The following COL27A1 variants were observed in gnomAD, a reference collection of about 807,000 sequenced individuals.
COL27A1 encodes collagen type XXVII alpha 1 chain.
COL27A1 carries 106 observed loss-of-function variants against 251.3 expected under a neutral mutation model. That is an observed-to-expected ratio of 0.42 (90% CI 0.36 to 0.50). The LOEUF (loss-of-function observed/expected upper bound fraction) is 0.50. Among genes scored for constraint, COL27A1 ranks in the 20% least tolerant of loss-of-function variants. The pLI, the probability that COL27A1 is intolerant of heterozygous loss-of-function variation, is 0.00. For missense variants in COL27A1, 2,325 were observed against 2,522.8 expected (o/e 0.92, Z 1.68); for synonymous variants, 1,000 against 986.3 (o/e 1.01, Z -0.26).
At chr9:114,243,924 CAT>C (rs371027478) in intron 23 of COL27A1, among the ~76,000 whole-genome samples, 24,910 of 137,356 alleles carry the variant, frequency 0.18, 2,805 homozygotes, top group East Asian at 0.3. Context: ...TTTTTTCTTT[CAT>C]TTTTTTTTTT....
At chr9:114,245,992 C>T (rs1833104048) in intron 24 of COL27A1, 82 bp downstream of exon 24, 2 of 1,179,468 alleles carry the variant, frequency 1.7e-6, no homozygotes, top group Non-Finnish European at 2.5e-6. Context: ...CAGCACCCTC[C>T]ATGCACCACC....
chr9:114,160,625 C>T (rs377326326), intron 1 of COL27A1, among the ~76,000 whole-genome samples: 1 of 151,042 alleles, frequency 6.6e-6, no homozygotes, highest in South Asian at 2.1e-4. Flanking sequence ...ATAGCTTGAG[C>T]CCTGGAGTTC....
Position 114,169,471 on chromosome 9 carries a change from T to A in COL27A1, c.1908+8T>A. On this transcript the variant is annotated splice_region_variant and intron_variant, in intron 3 of 60. Transcript: ENST00000356083. ...GGAGACTGTGGCTTGCCGGTAAGAC[T>A]GAGTGGGGTCTGCATGCTGCTTGGA... The A allele has an allele frequency of 6.6e-7, 1 of 1,518,694 alleles. No individual in the cohort carries two copies. The highest frequency in any genetic ancestry group is 8.8e-7 in the Non-Finnish European group (1 of 1,136,860). 94.1% of individuals were successfully genotyped at this position (1,518,694 alleles called of 1,614,324 possible).
chr9:114,173,253 A>G (rs188422062), intron 3 of COL27A1, among the ~76,000 whole-genome samples: 1 of 152,378 alleles, frequency 6.6e-6, no homozygotes, highest in Admixed American at 6.5e-5. Flanking sequence ...CGATCAGGCC[A>G]CTGGCATTTG....
At position 114,218,951 on chromosome 9, in the gene COL27A1, G is replaced by T. The variant is rs1047353014; in HGVS notation, c.2368-840G>T. ...ACTTGGTCAGGAAAACATGTGCTTT[G>T]TTTTTTTTTTTTTTTAATTACATTT... On this transcript the variant is annotated intron_variant, in intron 12 of 60. Coordinates refer to ENST00000356083, the MANE Select transcript of COL27A1 (RefSeq NM_032888.4). 4.7e-5 allele frequency among the ~76,000 whole-genome samples: 7 copies of T among 147,864 alleles called. No homozygotes were observed. The East Asian group carries it at 6.2e-4, about 13-fold the overall frequency.
intron 19 of COL27A1, 96 bp from the exon 20 acceptor site, chr9:114,240,124 T>C (rs1161806799): frequency 7.3e-6 from 8 of 1,090,918 alleles, no homozygotes; most frequent in Non-Finnish European, 9.9e-6. Flanking sequence ...CCCAGCAGGA[T>C]GAGATGGAAA....
At chr9:114,232,367 C>T (rs1010199119) in intron 16 of COL27A1, among the ~76,000 whole-genome samples, 1 of 152,200 alleles carries the variant, frequency 6.6e-6, no homozygotes, top group South Asian at 2.1e-4. Flanking sequence ...TCTGTACAGC[C>T]CTGCTGCTGA....
intron 12 of COL27A1, among the ~76,000 whole-genome samples, chr9:114,212,949 C>T (rs373495602): frequency 2.0e-5 from 3 of 152,216 alleles, no homozygotes; most frequent in Non-Finnish European, 2.9e-5. Flanking sequence ...TGCCCCAACA[C>T]TCAGGCCAGC....
At chr9:114,310,147 A>G (rs1829345468) in intron 60 of COL27A1, among the ~76,000 whole-genome samples, 1 of 152,174 alleles carries the variant, frequency 6.6e-6, no homozygotes, top group Non-Finnish European at 1.5e-5. Context: ...GGTGAGAGGT[A>G]AAAGACTACA....
intron 21 of COL27A1, among the ~76,000 whole-genome samples, chr9:114,241,209 T>C (rs1832730418): frequency 6.6e-6 from 1 of 152,242 alleles, no homozygotes; most frequent in Non-Finnish European, 1.5e-5. Flanking sequence ...AGGCCATTCT[T>C]AGCCTTCCCA....
chr9:114,162,567 G>T (rs765576818), intron 1 of COL27A1, 148 bp from the exon 2 acceptor site: 1 of 653,578 alleles, frequency 1.5e-6, no homozygotes, highest in Non-Finnish European at 2.7e-6. Flanking sequence ...CTCTGATGGG[G>T]TCCTAGAGCC....
At chr9:114,244,895 A>G (rs762165878) in intron 23 of COL27A1, among the ~76,000 whole-genome samples, 1 of 152,174 alleles carries the variant, frequency 6.6e-6, no homozygotes, top group Non-Finnish European at 1.5e-5. Context: ...CATGGGACAA[A>G]ACAGACAGAC....
At chr9:114,237,974 C>G (rs1832510912) in intron 19 of COL27A1, among the ~76,000 whole-genome samples, 1 of 152,204 alleles carries the variant, frequency 6.6e-6, no homozygotes, top group African/African-American at 2.4e-5. Context: ...GCCACCGCAG[C>G]TTTGTGATTC....
At chr9:114,231,027 G>A (rs1831906951) in intron 14 of COL27A1, 52 bp from the exon 15 acceptor site, 3 of 1,547,178 alleles carry the variant, frequency 1.9e-6, no homozygotes, top group Non-Finnish European at 2.7e-6. Context: ...ACCCAGGCCA[G>A]CCTCCTGTGG....
chr9:114,206,148 A>G, intron 9 of COL27A1, 104 bp from the exon 10 acceptor site: 1 of 1,140,386 alleles, frequency 8.8e-7, no homozygotes, highest in African/African-American at 1.5e-5. Flanking sequence ...CCCCCATTCT[A>G]CAAAGAGAGC....
At chr9:114,196,715 T>G (rs1404638448) in intron 7 of COL27A1, among the ~76,000 whole-genome samples, 4 of 152,102 alleles carry the variant, frequency 2.6e-5, no homozygotes, top group African/African-American at 4.8e-5. Flanking sequence ...GCCCATCCCA[T>G]CCCCATTTCA....
intron 35 of COL27A1, among the ~76,000 whole-genome samples, chr9:114,270,405 G>A (rs1835062231): frequency 6.6e-6 from 1 of 152,224 alleles, no homozygotes; most frequent in South Asian, 2.1e-4. Context: ...ATGATGTTCA[G>A]GACAAATCCA....
At chr9:114,255,737 A>G (rs558514743) in intron 27 of COL27A1, among the ~76,000 whole-genome samples, 1 of 152,254 alleles carries the variant, frequency 6.6e-6, no homozygotes, top group South Asian at 2.1e-4. Context: ...GCTACGGTAC[A>G]GGGCTGGTCC....
At chr9:114,246,162 T>C (rs1284805412) in intron 24 of COL27A1, 1 of 439,392 alleles carries the variant, frequency 2.3e-6, no homozygotes, top group Non-Finnish European at 4.0e-6. Flanking sequence ...ACACAGGTTT[T>C]TGGTGCATTT....
Sources: gnomAD v4.1 joint callset for allele counts (sites outside exome capture counted in the v4.1 genomes callset) on GRCh38, gnomAD v4.1.1 for gene constraint, MANE v1.5 for transcripts, NCBI Gene and HGNC (gene_info 2026-07-23, HGNC 2026-07-21) for gene names.